RANBP2: variants seen among roughly 807,000 people sequenced by gnomAD.
RANBP2 encodes the protein E3 SUMO-protein ligase RanBP2.
In RANBP2, 57 loss-of-function variants were observed where a neutral mutation model predicts 303.6. The ratio of observed to expected loss-of-function variants is 0.19; its 90% CI spans 0.15 to 0.23. The LOEUF is 0.23. Ranked by LOEUF, RANBP2 falls within the 10% of genes least tolerant of loss-of-function variation. RANBP2 has a pLI of 1.00. For missense variants in RANBP2, 3,138 were observed against 3,780.8 expected (o/e 0.83, Z 4.46); for synonymous variants, 1,167 against 1,301.5 (o/e 0.90, Z 2.23).
the RANBP2 span, among the ~76,000 whole-genome samples, chr2:109,300,676 A>C: frequency 6.6e-6 from 1 of 151,966 alleles, no homozygotes; most frequent in Non-Finnish European, 1.5e-5. Context: ...TCTCCATCCA[A>C]CCACCTTCCT....
the RANBP2 span, among the ~76,000 whole-genome samples, chr2:109,266,630 T>C: frequency 6.6e-6 from 1 of 151,098 alleles, no homozygotes; most frequent in South Asian, 2.1e-4. Context: ...CCCTCAGGGC[T>C]TAGCTCAGCA....
chr2:109,700,670 G>T, the RANBP2 span, among the ~76,000 whole-genome samples: 1 of 151,880 alleles, frequency 6.6e-6, no homozygotes, highest in Non-Finnish European at 1.5e-5. Flanking sequence ...TGATTTTGGG[G>T]GTCCAAGATA....
At chr2:109,150,477 T>C in the RANBP2 span, among the ~76,000 whole-genome samples, 3 of 152,218 alleles carry the variant, frequency 2.0e-5, no homozygotes, top group Non-Finnish European at 4.4e-5. Flanking sequence ...AAAATAGTTT[T>C]TTTACAAAAA....
the RANBP2 span, among the ~76,000 whole-genome samples, chr2:109,030,126 G>A: frequency 1.3e-5 from 2 of 152,162 alleles, no homozygotes; most frequent in Non-Finnish European, 2.9e-5. Context: ...TTCTGCCTAT[G>A]CAAAGAACAG....
At position 108,748,916 on chromosome 2, in the gene RANBP2, T is replaced by G; in HGVS notation, c.1064-4T>G. 1.2e-6 allele frequency: 2 copies of G among 1,611,992 alleles called. No homozygotes were observed. Among genetic ancestry groups the G allele is most frequent in the Non-Finnish European group, 1.7e-6 (2 of 1,179,838 alleles). On this transcript the variant is annotated splice_polypyrimidine_tract_variant and splice_region_variant and intron_variant, in intron 8 of 28. Coordinates refer to ENST00000283195, the MANE Select transcript of RANBP2 (RefSeq NM_006267.5). ...GATGGAAATAACTTAAATTTTTTTT[T>G]CAGGGCACATGTTGCTAAACTTAAG...
At chr2:109,421,837 A>G in the RANBP2 span, among the ~76,000 whole-genome samples, 1 of 152,184 alleles carries the variant, frequency 6.6e-6, no homozygotes, top group Non-Finnish European at 1.5e-5. Context: ...GTGACTGGTG[A>G]TGGTCCGTTC....
chr2:109,145,874 G>A, the RANBP2 span, among the ~76,000 whole-genome samples: 1 of 152,190 alleles, frequency 6.6e-6, no homozygotes, highest in Non-Finnish European at 1.5e-5. Context: ...CAGAGCTGGG[G>A]AGGCTGCGTA....
chr2:109,623,970 GT>G, the RANBP2 span, among the ~76,000 whole-genome samples: 6 of 152,150 alleles, frequency 3.9e-5, no homozygotes, highest in African/African-American at 1.4e-4. Flanking sequence ...TGTCATCTTT[GT>G]GCCCATTTAA....
At chr2:109,593,265 T>C in the RANBP2 span, 1 of 476,156 alleles carries the variant, frequency 2.1e-6, no homozygotes, top group East Asian at 3.3e-5. Context: ...TATTGAATCG[T>C]GTTTGAAATT....
At chr2:108,950,227 TCCTCCCTCCCTCCTC>T in the RANBP2 span, among the ~76,000 whole-genome samples, 2 of 134,726 alleles carry the variant, frequency 1.5e-5, no homozygotes, top group South Asian at 3.0e-4. Flanking sequence ...CTCCCTTCCT[TCCTCCCTCCCTCCTC>T]CCTCCCTCCC....
the RANBP2 span, among the ~76,000 whole-genome samples, chr2:109,563,340 G>T: frequency 3.3e-5 from 5 of 152,176 alleles, no homozygotes; most frequent in African/African-American, 1.2e-4. Flanking sequence ...ATATGCAACA[G>T]CGGCACTAAT....
the RANBP2 span, among the ~76,000 whole-genome samples, chr2:109,712,683 C>T: frequency 3.9e-5 from 6 of 152,138 alleles, no homozygotes; most frequent in Non-Finnish European, 7.4e-5. Context: ...CTGCCCACCT[C>T]GGCCTCTCAA....
the RANBP2 span, among the ~76,000 whole-genome samples, chr2:108,871,254 C>T: frequency 6.6e-6 from 1 of 151,334 alleles, no homozygotes; most frequent in East Asian, 1.9e-4. Flanking sequence ...AGTTCCTAGC[C>T]AGGTGTGGTG....
the RANBP2 span, among the ~76,000 whole-genome samples, chr2:108,792,405 A>G: frequency 1.3e-5 from 2 of 152,266 alleles, no homozygotes; most frequent in South Asian, 4.1e-4. Flanking sequence ...TATATGGTCG[A>G]TTTTCCCAGT....
chr2:109,369,082 C>T, the RANBP2 span, among the ~76,000 whole-genome samples: 2 of 152,026 alleles, frequency 1.3e-5, no homozygotes, highest in African/African-American at 2.4e-5. Context: ...TGGTGGCTCA[C>T]GCCTATAATC....
the RANBP2 span, among the ~76,000 whole-genome samples, chr2:109,548,882 A>T: frequency 6.6e-6 from 1 of 152,044 alleles, no homozygotes; most frequent in African/African-American, 2.4e-5. Context: ...TGGTCTAATA[A>T]AACTGTTATG....
At chr2:108,949,025 G>A in the RANBP2 span, among the ~76,000 whole-genome samples, 767 of 152,288 alleles carry the variant, frequency 5.0e-3, 5 homozygotes, top group Non-Finnish European at 7.0e-3. Flanking sequence ...CACCCAGGCT[G>A]GAGTGCAGTG....
At chr2:109,545,348 A>G in the RANBP2 span, 1 of 1,497,704 alleles carries the variant, frequency 6.7e-7, no homozygotes, top group Admixed American at 2.2e-5. Context: ...AAATAAACTT[A>G]TTTTCTAAAA....
chr2:108,873,600 C>T, the RANBP2 span: 6 of 1,546,206 alleles, frequency 3.9e-6, no homozygotes, highest in Non-Finnish European at 5.3e-6. Flanking sequence ...GTAAGAATTT[C>T]TTATTTCTAA....
Sources: gnomAD v4.1 joint callset for allele counts (sites outside exome capture counted in the v4.1 genomes callset) on GRCh38, gnomAD v4.1.1 for gene constraint, MANE v1.5 for transcripts, NCBI Gene and HGNC (gene_info 2026-07-23, HGNC 2026-07-21) for gene names.